Variants in SPARCL1 observed in about 807,000 individuals in gnomAD.
The protein encoded by SPARCL1 is SPARC-like protein 1.
SPARCL1 carries 52 observed loss-of-function variants against 67.1 expected under a neutral mutation model. That is an observed-to-expected ratio of 0.78 (90% CI 0.62 to 0.98). The LOEUF (loss-of-function observed/expected upper bound fraction) is 0.98. SPARCL1 is among the 50% of genes least tolerant of loss of function. SPARCL1 has a pLI of 0.00. For synonymous variants in SPARCL1, 226 were observed against 267.8 expected (o/e 0.84, Z 1.52); for missense variants, 717 against 782.4 (o/e 0.92, Z 1.00).
At chr4:87,517,804 G>C (rs1364905442) in intron 1 of SPARCL1, among the ~76,000 whole-genome samples, 1 of 152,146 alleles carries the variant, frequency 6.6e-6, no homozygotes, top group Non-Finnish European at 1.5e-5. Flanking sequence ...ATTATTTATT[G>C]GGGGGTAGTT....
At chr4:87,497,176 C>T in intron 2 of SPARCL1, 1 of 984,632 alleles carries the variant, frequency 1.0e-6, no homozygotes, top group Non-Finnish European at 1.2e-6. Flanking sequence ...GCCACGGCTT[C>T]TGGCCAAAGT....
At chr4:87,480,616 G>A (rs1321642433) in intron 8 of SPARCL1, 96 bp from the exon 9 acceptor site, 16 of 1,182,684 alleles carry the variant, frequency 1.4e-5, no homozygotes, top group Non-Finnish European at 9.5e-6. Context: ...ACAGTAACAC[G>A]ATAGGGGAAA....
At chr4:87,490,471 T>A in intron 6 of SPARCL1, 78 bp from the exon 7 acceptor site, 1 of 1,493,400 alleles carries the variant, frequency 6.7e-7, no homozygotes, top group Non-Finnish European at 9.0e-7. Context: ...AAAGCTCATA[T>A]GCTGATAACA....
chr4:87,484,997 C>T (rs1723990922), intron 7 of SPARCL1, among the ~76,000 whole-genome samples: 1 of 151,982 alleles, frequency 6.6e-6, no homozygotes, highest in South Asian at 2.1e-4. Context: ...AATATGCAAT[C>T]ATGTCATCTG....
At chr4:87,501,594 C>G (rs1030348035) in intron 1 of SPARCL1, among the ~76,000 whole-genome samples, 1 of 151,952 alleles carries the variant, frequency 6.6e-6, no homozygotes, top group Non-Finnish European at 1.5e-5. Context: ...GTGAGTTTTT[C>G]CCCAATGTTT....
chr4:87,480,346 G>C, intron 9 of SPARCL1, 26 bp downstream of exon 9: 8 of 1,527,978 alleles, frequency 5.2e-6, no homozygotes, highest in Non-Finnish European at 7.0e-6. Context: ...GATAAATCTA[G>C]AAATGGAAAG....
chr4:87,477,340 G>A (rs979818101), intron 10 of SPARCL1, among the ~76,000 whole-genome samples: 2 of 152,148 alleles, frequency 1.3e-5, no homozygotes, highest in African/African-American at 4.8e-5. Context: ...GGTGGGCAGG[G>A]CAGGACAGAA....
chr4:87,526,845 G>A (rs1182090960), intron 1 of SPARCL1, among the ~76,000 whole-genome samples: 1 of 152,212 alleles, frequency 6.6e-6, no homozygotes, highest in East Asian at 1.9e-4. Flanking sequence ...TTGCTTTAAT[G>A]TACCAAACAT....
intron 7 of SPARCL1, 35 bp downstream of exon 7, chr4:87,490,238 A>T: frequency 6.3e-7 from 1 of 1,582,888 alleles, no homozygotes; most frequent in Non-Finnish European, 8.6e-7. Flanking sequence ...AAGCCCTCTC[A>T]GAGATGATGG....
chr4:87,494,887 AG>A (rs1724552531), intron 3 of SPARCL1, 93 bp downstream of exon 3: 2 of 1,167,040 alleles, frequency 1.7e-6, no homozygotes. Flanking sequence ...AATTAAACTG[AG>A]ACATAAATAA....
At chr4:87,483,834 A>C (rs2110216331) in intron 7 of SPARCL1, among the ~76,000 whole-genome samples, 1 of 152,312 alleles carries the variant, frequency 6.6e-6, no homozygotes, top group African/African-American at 2.4e-5. Context: ...TCTAATGACG[A>C]GTGATTATGA....
At chr4:87,517,902 A>G (rs1296821863) in intron 1 of SPARCL1, among the ~76,000 whole-genome samples, 1 of 152,228 alleles carries the variant, frequency 6.6e-6, no homozygotes, top group Non-Finnish European at 1.5e-5. Context: ...CTTCTGGGGA[A>G]TAATGGTGTA....
chr4:87,491,944 A>C (rs111453843), intron 4 of SPARCL1, among the ~76,000 whole-genome samples: 1,391 of 26,642 alleles, frequency 0.052, 11 homozygotes, highest in African/African-American at 0.11. Context: ...ATCTCTACCC[A>C]CCCCCCCCCC....
chr4:87,494,205 T>C lies in SPARCL1; in HGVS notation c.595A>G (p.Asn199Asp). 1.9e-6 allele frequency: 3 copies of C among 1,614,140 alleles called. No homozygotes were observed. The highest frequency in any genetic ancestry group is 1.7e-6 in the Non-Finnish European group (2 of 1,180,026). Residue 199 changes from asparagine (N) to aspartate (D), a missense_variant, in exon 4 of 11, where the codon AAT (asparagine) becomes GAT (aspartate). Transcript: ENST00000282470. ...GNQEQDPNIS[N>D]GEEEEEKEPG... ...TCTTTTTCTTCTTCCTCTTCTCCAT[T>C]GGAAATATTTGGATCCTGCTCTTGG... is the stretch of plus-strand genomic sequence containing the variant.
chr4:87,499,353 T>A (rs1247825351), intron 2 of SPARCL1, among the ~76,000 whole-genome samples, 168 bp downstream of exon 2: 1 of 152,210 alleles, frequency 6.6e-6, no homozygotes, highest in Non-Finnish European at 1.5e-5. Context: ...TTTAAGTACC[T>A]TATCTTGAGT....
intron 10 of SPARCL1, among the ~76,000 whole-genome samples, chr4:87,477,614 C>T (rs548388606): frequency 3.3e-4 from 50 of 152,192 alleles, no homozygotes; most frequent in Admixed American, 7.8e-4. Context: ...GTGGGCAGCC[C>T]TGTAGACCAG....
At chr4:87,511,961 C>CTCTTT (rs1268867700) in intron 1 of SPARCL1, among the ~76,000 whole-genome samples, 1 of 109,168 alleles carries the variant, frequency 9.2e-6, no homozygotes, top group Non-Finnish European at 1.8e-5. Flanking sequence ...TTTCCTCTTT[C>CTCTTT]TTTCTCTTTT....
intron 1 of SPARCL1, among the ~76,000 whole-genome samples, chr4:87,509,498 A>G (rs912806299): frequency 5.9e-5 from 9 of 152,236 alleles, no homozygotes; most frequent in Non-Finnish European, 1.2e-4. Context: ...CTGAGGTTTG[A>G]AAACTAATAA....
At position 87,490,823 on chromosome 4, in the gene SPARCL1, C is replaced by G. The variant is rs1430156276; in HGVS notation, c.1347G>C (p.Gln449His). 6.2e-7 allele frequency: 1 copy of G among 1,612,810 alleles called. No individual in the cohort carries two copies. The highest frequency in any genetic ancestry group is 1.7e-5 in the Admixed American group (1 of 59,856). Residue 449 changes from glutamine (Q) to histidine (H), a missense_variant, in exon 6 of 11, where the codon CAG becomes CAC. By Grantham distance (24) the Gln-to-His change is conservative. Transcript: ENST00000282470. ...CCTGGCAGACACAGTGAGGTTTTCC[C>G]TGTTGGTCTGCCTTACAGATGTGGC... ...KRGHICKADQ[Q>H]GKPHCVCQDP...
Sources: gnomAD v4.1 joint callset for allele counts (sites outside exome capture counted in the v4.1 genomes callset) on GRCh38, gnomAD v4.1.1 for gene constraint, MANE v1.5 for transcripts, NCBI Gene and HGNC (gene_info 2026-07-23, HGNC 2026-07-21) for gene names.